WDR36: variants seen among roughly 807,000 people sequenced by gnomAD.
WDR36 encodes the protein WD repeat domain 36.
In WDR36, 63 loss-of-function variants were observed where a neutral mutation model predicts 112.7. The ratio of observed to expected loss-of-function variants is 0.56; its 90% confidence interval spans 0.46 to 0.69. WDR36 has a LOEUF of 0.69. WDR36 is among the 30% of genes least tolerant of loss of function. The probability of loss-of-function intolerance (pLI) is 0.00; values close to 1 mark genes in which losing one functional copy is unlikely to be tolerated. For synonymous variants in WDR36, 410 were observed against 362.2 expected, an observed-to-expected ratio of 1.13 and a Z score of -1.50; for missense variants, 1,226 against 1,070.3, an observed-to-expected ratio of 1.15 and a Z score of -2.03.
rs1753696693 is a variant in WDR36, at chr5:111,127,429, A to G, written c.*546A>G. Reference sequence around the variant, plus strand: ...ATGTAGTTATAAAAATGCTGTTATGAAGAAAAAAGGAATGCTTTTTTCCTC... The same window carrying G: ...ATGTAGTTATAAAAATGCTGTTATGGAGAAAAAAGGAATGCTTTTTTCCTC... On this transcript the variant is annotated 3_prime_UTR_variant, in exon 23 of 23. Transcript: ENST00000513710. 1 of 202,914 alleles carries G rather than the reference A, an allele frequency of 4.9e-6. No individual in the cohort carries two copies. Among genetic ancestry groups the G allele is most frequent in the Non-Finnish European group, 1.0e-5 (1 of 98,646 alleles). 12.6% of individuals were successfully genotyped at this position (202,914 alleles called of 1,614,324 possible). A position where few individuals can be genotyped will look rare whatever the true frequency, so the allele number is the denominator to read the frequency against.
chr5:111,103,260 C>T (rs1333980358), intron 6 of WDR36, among the ~76,000 whole-genome samples: 1 of 151,658 alleles, frequency 6.6e-6, no homozygotes, highest in African/African-American at 2.4e-5. Context: ...GTATTATAGA[C>T]CATTATAACC....
At chr5:111,109,397 A>G (rs1457564508) in intron 12 of WDR36, among the ~76,000 whole-genome samples, 2 of 151,368 alleles carry the variant, frequency 1.3e-5, no homozygotes, top group Non-Finnish European at 3.0e-5. Context: ...GATGCAATGT[A>G]AATATGTCGT....
chr5:111,096,817 T>C lies in WDR36; in HGVS notation c.191-262T>C, dbSNP rs1488376418. Among the ~76,000 whole-genome samples, 8 of 152,216 alleles carry C rather than the reference T, an allele frequency of 5.3e-5. No individual in the cohort carries two copies. In the East Asian group the frequency reaches 1.5e-3, roughly 29 times the overall value. On this transcript the variant is annotated intron_variant, in intron 2 of 22. Transcript: ENST00000513710. ...AATAACCTCAAAAAGCTTGTTTTCATTTCTCTAGGATTATGTTTTTATTTC... is the reference window on the plus strand; with the variant it reads ...AATAACCTCAAAAAGCTTGTTTTCACTTCTCTAGGATTATGTTTTTATTTC...
At chr5:111,107,251 A>G in intron 11 of WDR36, 43 bp from the exon 12 acceptor site, 1 of 1,587,350 alleles carries the variant, frequency 6.3e-7, no homozygotes, top group Non-Finnish European at 8.6e-7. Flanking sequence ...AATGAATAAC[A>G]GAATGAAAAG....
In WDR36 at chr5:111,098,733, C is replaced by T; in HGVS notation, c.303C>T (p.Thr101=). ...AFARNKEIVH[T]FKGHKAEIHF... ...CTTCGATGTTTTAGATAGTACATAC[C>T]TTTAAGGGTCATAAGGCAGAAATCC... The change falls in exon 4 of 23, where the codon ACC becomes ACT. Residue 101 remains threonine (T), a synonymous_variant. Coordinates refer to ENST00000513710, the MANE Select transcript of WDR36 (RefSeq NM_139281.3). The T allele has an allele frequency of 6.2e-7, 1 of 1,602,870 alleles. No individual in the cohort carries two copies. Among genetic ancestry groups the T allele is most frequent in the Non-Finnish European group, 8.5e-7 (1 of 1,170,152 alleles).
rs1179885662 is a variant in WDR36 at position 111,111,197 on chromosome 5, C to G, written c.1635C>G (p.Asp545Glu). ...GCATTCTGGGACTCGCCTTGGATGA[C>G]TTCTCCATTAGTGTTCTGGACATAG... ...DSGILGLALD[D>E]FSISVLDIET... is the part of the protein sequence containing the mutation. The change falls in exon 15 of 23, where the codon GAC (aspartate) becomes GAG (glutamate). Residue 545 changes from aspartate (D) to glutamate (E), a missense_variant. Transcript: ENST00000513710. 8.1e-6 allele frequency: 13 copies of G among 1,611,918 alleles called. No homozygotes were observed. The highest frequency in any genetic ancestry group is 1.1e-5 in the Non-Finnish European group (13 of 1,178,364).
At chr5:111,104,421 T>C in intron 8 of WDR36, 69 bp downstream of exon 8, 53 of 1,592,868 alleles carry the variant, frequency 3.3e-5, no homozygotes, top group Non-Finnish European at 4.4e-5. Context: ...CAAGCTTGTT[T>C]TAATGTATCA....
At position 111,117,895 on chromosome 5, in the gene WDR36, G is replaced by T. The variant is rs537974678; in HGVS notation, c.1797-1118G>T. Among the ~76,000 whole-genome samples the T allele has an allele frequency of 9.9e-4, 151 of 152,080 alleles. 1 individual carries two copies. Among genetic ancestry groups the T allele is most frequent in the Non-Finnish European group, 1.9e-3 (127 of 68,000 alleles). The stretch of plus-strand genomic sequence containing the variant: ...AGCCAGCCTAAGGGGTCTTTCAGCA[G>T]GATTCAGATGAGTGTAGGCCTTTCT... On this transcript the variant is annotated intron_variant, in intron 16 of 22. Coordinates refer to ENST00000513710, the MANE Select transcript of WDR36 (RefSeq NM_139281.3).
chr5:111,098,118 G>A (rs956311083), intron 3 of WDR36, among the ~76,000 whole-genome samples: 1 of 152,148 alleles, frequency 6.6e-6, no homozygotes, highest in Non-Finnish European at 1.5e-5. Flanking sequence ...GGGGTGGGGA[G>A]GCGTCAGACA....
chr5:111,111,297 A>G lies in WDR36; in HGVS notation c.1716+19A>G, dbSNP rs1561706456. On this transcript the variant is annotated intron_variant, in intron 15 of 22. Transcript: ENST00000513710. ...TGACATGGTAAAACAAACTCTAACTAATAAAACTTGACTCATTTCTACTTT... is the reference window on the plus strand; with the variant it reads ...TGACATGGTAAAACAAACTCTAACTGATAAAACTTGACTCATTTCTACTTT... 1.3e-6 allele frequency: 2 copies of G among 1,591,224 alleles called. No homozygotes were observed. The highest frequency in any genetic ancestry group is 1.7e-6 in the Non-Finnish European group (2 of 1,159,656).
Position 111,130,157 on chromosome 5 carries a change from C to T in WDR36, c.*3274C>T, listed in dbSNP as rs1294737573. 4.8e-6 allele frequency: 1 copy of T among 207,440 alleles called. No individual in the cohort carries two copies. 12.8% of individuals were successfully genotyped at this position (207,440 alleles called of 1,614,324 possible). ...ATTTATAGGACTGATTTGGAGAGAC[C>T]GACAATACCGAGTGCAGTCCTCCCT... On this transcript the variant is annotated 3_prime_UTR_variant, in exon 23 of 23. Transcript: ENST00000513710.
At chr5:111,104,841 AGTTT>A in intron 9 of WDR36, 24 bp downstream of exon 9, 1 of 1,609,818 alleles carries the variant, frequency 6.2e-7, no homozygotes, top group Non-Finnish European at 8.5e-7. Context: ...TCATACTATT[AGTTT>A]ATTTCAGCAA....
chr5:111,126,676 C>T, intron 22 of WDR36, 58 bp from the exon 23 acceptor site: 1 of 1,576,554 alleles, frequency 6.3e-7, no homozygotes, highest in South Asian at 1.1e-5. Context: ...AAATTGAATC[C>T]AGATTAGGTA....
At chr5:111,113,012 T>A in intron 15 of WDR36, 62 bp from the exon 16 acceptor site, 1 of 361,990 alleles carries the variant, frequency 2.8e-6, no homozygotes, top group Non-Finnish European at 4.2e-6. Context: ...TACAAATATA[T>A]TCATATATAT....
Position 111,113,054 on chromosome 5 carries a change from T to TA in WDR36, c.1717-20_1717-19insA, listed in dbSNP as rs33919278. 4.1e-3 allele frequency: 1,145 copies of TA among 277,314 alleles called. 9 individuals carry two copies. The highest frequency in any genetic ancestry group is 0.022 in the South Asian group (343 of 15,864). The allele number at this position is 277,314 out of a possible 1,614,324, so 17.2% of individuals were successfully genotyped here. On this transcript the variant is annotated intron_variant, in intron 15 of 22. Coordinates refer to ENST00000513710, the MANE Select transcript of WDR36 (RefSeq NM_139281.3). ...ATAAATAATATATATATATATATAT[T>TA]TTTTTTTTTTAATTTAAAGGCTTTT...
chr5:111,103,336 GT>G (rs1753159327), intron 6 of WDR36, among the ~76,000 whole-genome samples: 1 of 151,648 alleles, frequency 6.6e-6, no homozygotes, highest in South Asian at 2.1e-4. Context: ...TGTTTTGTAG[GT>G]TTTTCCTACT....
intron 3 of WDR36, 71 bp from the exon 4 acceptor site, chr5:111,098,651 G>A (rs1580390845): frequency 9.8e-7 from 1 of 1,016,560 alleles, no homozygotes; most frequent in South Asian, 1.3e-5. Flanking sequence ...GCATGTTTTT[G>A]GGATAATATG....
At chr5:111,121,235 T>C in intron 19 of WDR36, 94 bp downstream of exon 19, 1 of 1,349,774 alleles carries the variant, frequency 7.4e-7, no homozygotes, top group South Asian at 1.2e-5. Context: ...TTGAGGGCAT[T>C]AGAAGAGCAA....
At chr5:111,096,207 C>T (rs767512223) in intron 2 of WDR36, among the ~76,000 whole-genome samples, 1 of 152,080 alleles carries the variant, frequency 6.6e-6, no homozygotes, top group Admixed American at 6.5e-5. Flanking sequence ...TCATATGTCA[C>T]GTGAGAAATG....
Sources: gnomAD v4.1 joint callset for allele counts (sites outside exome capture counted in the v4.1 genomes callset) on GRCh38, gnomAD v4.1.1 for gene constraint, MANE v1.5 for transcripts, NCBI Gene and HGNC (gene_info 2026-07-23, HGNC 2026-07-21) for gene names.